Variants in SAMD3 observed in about 807,000 individuals in gnomAD.
SAMD3 encodes sterile alpha motif domain-containing protein 3.
A neutral mutation model predicts 58.5 loss-of-function variants in SAMD3; 63 were observed. The ratio of observed to expected loss-of-function variants is 1.08; its 90% confidence interval spans 0.88 to 1.33. SAMD3 has a LOEUF of 1.33. Among genes scored for constraint, SAMD3 ranks in the 40% most tolerant of loss-of-function variants. The pLI is 0.00. For missense variants in SAMD3, 604 were observed against 608.4 expected, an observed-to-expected ratio of 0.99 and a Z score of 0.08; for synonymous variants, 220 against 210.3, an observed-to-expected ratio of 1.05 and a Z score of -0.40.
At chr6:130,344,605 G>C (rs907786) in intron 1 of SAMD3, among the ~76,000 whole-genome samples, 73,970 of 151,744 alleles carry the variant, frequency 0.49, 22,144 homozygotes, top group African/African-American at 0.85. Flanking sequence ...TGGTCTTGAA[G>C]TCCTGGCCTC....
intron 4 of SAMD3, among the ~76,000 whole-genome samples, chr6:130,212,162 A>T (rs1433916677): frequency 1.3e-5 from 2 of 151,900 alleles, no homozygotes; most frequent in African/African-American, 4.8e-5. Flanking sequence ...GCATATTCTC[A>T]TGCCTCTTTC....
Position 130,209,491 on chromosome 6 carries a change from C to T in SAMD3, c.383+4G>A, listed in dbSNP as rs1398065512. 2 of 1,538,524 alleles carry T rather than the reference C, an allele frequency of 1.3e-6. No individual in the cohort carries two copies. The highest frequency in any genetic ancestry group is 1.7e-5 in the Admixed American group (1 of 59,714). On this transcript the variant is annotated splice_donor_region_variant and intron_variant, in intron 5 of 11. Coordinates refer to ENST00000439090, the MANE Select transcript of SAMD3 (RefSeq NM_001017373.4). ...TTAAACTGTCTTAAAGTTGGTACCC[C>T]CACCTCTGTTTCAATACTCTTTGGT... is the stretch of plus-strand genomic sequence containing the variant.
chr6:130,270,609 A>G (rs1774523433), intron 2 of SAMD3, among the ~76,000 whole-genome samples: 2 of 152,164 alleles, frequency 1.3e-5, no homozygotes, highest in African/African-American at 4.8e-5. Context: ...ACAAATATAA[A>G]CCATGCATAG....
chr6:130,204,603 AG>A lies in SAMD3; in HGVS notation c.383+4891del, dbSNP rs777279365. Among the ~76,000 whole-genome samples the A allele has an allele frequency of 2.2e-4, 33 of 150,550 alleles. 5 individuals carry two copies. Among genetic ancestry groups the A allele is most frequent in the Non-Finnish European group, 2.4e-4 (16 of 67,452 alleles). ...CAGAACGAGACCCTATCTCAAAAAA[AG>A]AAAAAAAAAAGCACGGTATCTGCTG... is the stretch of plus-strand genomic sequence containing the variant. On this transcript the variant is annotated intron_variant, in intron 5 of 11. Coordinates refer to ENST00000439090, the MANE Select transcript of SAMD3 (RefSeq NM_001017373.4).
chr6:130,303,886 C>G (rs1775829188), intron 2 of SAMD3, among the ~76,000 whole-genome samples: 1 of 152,202 alleles, frequency 6.6e-6, no homozygotes, highest in Non-Finnish European at 1.5e-5. Flanking sequence ...GCAAGTCTAT[C>G]TTCCAGTTTT....
rs552588142 is a variant in SAMD3 at position 130,222,302 on chromosome 6, A to C, written c.-68+392T>G. On this transcript the variant is annotated intron_variant, in intron 1 of 11. Transcript: ENST00000439090. ...ATAGCAATGGTCCGAATAGCAAATA[A>C]ATTGGACAGATAAAATTTCCAGCAA... 2.9e-3 allele frequency among the ~76,000 whole-genome samples: 448 copies of C among 152,360 alleles called. 3 individuals are homozygous for C. The highest frequency in any genetic ancestry group is 0.01 in the African/African-American group (431 of 41,592).
At chr6:130,183,097 A>C in intron 7 of SAMD3, 1 of 306,646 alleles carries the variant, frequency 3.3e-6, no homozygotes, top group Admixed American at 4.7e-5. Flanking sequence ...GGAGACAGGC[A>C]GGTTCAAACA....
intron 8 of SAMD3, among the ~76,000 whole-genome samples, chr6:130,156,795 G>T (rs1168463451): frequency 6.6e-6 from 1 of 152,074 alleles, no homozygotes; most frequent in African/African-American, 2.4e-5. Context: ...ACATAGCAAG[G>T]CTCTATCTCT....
intron 2 of SAMD3, among the ~76,000 whole-genome samples, chr6:130,289,754 C>G (rs1455255265): frequency 6.6e-6 from 1 of 152,186 alleles, no homozygotes; most frequent in South Asian, 2.1e-4. Context: ...CCTCCCTTGG[C>G]CCCCCAAAGT....
chr6:130,269,805 T>A (rs1774495942), intron 2 of SAMD3, among the ~76,000 whole-genome samples: 1 of 151,886 alleles, frequency 6.6e-6, no homozygotes, highest in South Asian at 2.1e-4. Context: ...TAGCAACACT[T>A]ACTGTTCATC....
intron 7 of SAMD3, among the ~76,000 whole-genome samples, chr6:130,177,422 G>A (rs1403879689): frequency 6.6e-6 from 1 of 152,130 alleles, no homozygotes; most frequent in Non-Finnish European, 1.5e-5. Context: ...TACCTAGGAA[G>A]CACCCCTGGA....
chr6:130,300,871 G>A (rs1775723367), intron 2 of SAMD3, among the ~76,000 whole-genome samples: 1 of 152,068 alleles, frequency 6.6e-6, no homozygotes, highest in Non-Finnish European at 1.5e-5. Context: ...TGCACAACAT[G>A]CAGGTTTGTT....
Position 130,144,758 on chromosome 6 carries a change from A to C in SAMD3, c.1325T>G (p.Met442Arg). The C allele has an allele frequency of 1.2e-6, 2 of 1,614,076 alleles. No individual in the cohort carries two copies. Among genetic ancestry groups the C allele is most frequent in the South Asian group, 1.1e-5 (1 of 91,078 alleles). ...PVLEVKNPFN[M>R]EVCEFSLYLE... ...ATATAAAGAAAATTCGCAGACCTCCATGTTGAAAGGGTTTTTAACTTCCAA... is the reference window on the plus strand; with the variant it reads ...ATATAAAGAAAATTCGCAGACCTCCCTGTTGAAAGGGTTTTTAACTTCCAA... Residue 442 changes from methionine to arginine, a missense_variant, in exon 12 of 12, where the codon ATG becomes AGG. Coordinates refer to ENST00000439090, the MANE Select transcript of SAMD3 (RefSeq NM_001017373.4).
chr6:130,148,990 C>T (rs1327558207), intron 9 of SAMD3, among the ~76,000 whole-genome samples: 1 of 152,178 alleles, frequency 6.6e-6, no homozygotes, highest in Non-Finnish European at 1.5e-5. Context: ...TAAACAAAGG[C>T]ACCCGTTGAT....
chr6:130,267,290 T>C (rs1774394231), intron 2 of SAMD3, among the ~76,000 whole-genome samples: 1 of 152,176 alleles, frequency 6.6e-6, no homozygotes, highest in African/African-American at 2.4e-5. Flanking sequence ...ATAGGAGTTA[T>C]AGTAGTAATA....
intron 5 of SAMD3, among the ~76,000 whole-genome samples, chr6:130,203,707 G>C (rs181002369): frequency 1.3e-5 from 2 of 152,370 alleles, no homozygotes; most frequent in Admixed American, 1.3e-4. Flanking sequence ...CTGCACAGAT[G>C]AATAAGACTG....
rs368673947 is a variant in SAMD3, at chr6:130,215,595, C to T, written c.-21-301G>A. 662 of 1,360,992 alleles carry T rather than the reference C, an allele frequency of 4.9e-4. 5 individuals are homozygous for T. In the South Asian group the frequency reaches 0.012, roughly 26 times the overall value. 84.3% of individuals were successfully genotyped at this position (1,360,992 alleles called of 1,614,324 possible). On this transcript the variant is annotated intron_variant, in intron 2 of 11. Transcript: ENST00000439090. ...TTACTAACAGACAGCCAGGGACATACAATGGTACCCAATCCTGTACCATTA... is the reference window on the plus strand; with the variant it reads ...TTACTAACAGACAGCCAGGGACATATAATGGTACCCAATCCTGTACCATTA...
chr6:130,180,831 G>C (rs1792239750), intron 7 of SAMD3, among the ~76,000 whole-genome samples: 2 of 152,000 alleles, frequency 1.3e-5, no homozygotes, highest in Non-Finnish European at 2.9e-5. Flanking sequence ...CAGCCCCAAA[G>C]GTAAACAGTC....
At chr6:130,241,451 T>A (rs1469633421) in intron 2 of SAMD3, among the ~76,000 whole-genome samples, 1 of 152,100 alleles carries the variant, frequency 6.6e-6, no homozygotes, top group Admixed American at 6.6e-5. Flanking sequence ...CCTGACCTTA[T>A]GATCCACCTG....
Sources: allele counts gnomAD v4.1 joint callset (sites outside exome capture counted in the v4.1 genomes callset), GRCh38; gene constraint gnomAD v4.1.1; transcripts MANE v1.5; gene names NCBI Gene and HGNC (gene_info 2026-07-23, HGNC 2026-07-21).